The following TEX9 variants were observed in gnomAD, a reference collection of about 807,000 sequenced individuals.
TEX9 encodes the protein testis expressed 9.
Under a neutral mutation model 59.6 loss-of-function variants are expected in TEX9, and 74 were observed. The observed-to-expected ratio is 1.24, with a 90% CI of 1.03 to 1.51. TEX9 has a LOEUF of 1.51. Ranked by LOEUF, TEX9 falls within the 40% of genes most tolerant of loss-of-function variation. The pLI is 0.00. For synonymous variants in TEX9, 186 were observed against 152.2 expected (o/e 1.22, Z -1.64); for missense variants, 522 against 447.8 (o/e 1.17, Z -1.49).
chr15:56,261,044 T>C (rs998042168), intron 1 of TEX9, among the ~76,000 whole-genome samples: 2 of 151,998 alleles, frequency 1.3e-5, no homozygotes, highest in South Asian at 4.1e-4. Context: ...ATTTCTGATT[T>C]ATCTTTTTAG....
chr15:56,429,035 C>T (rs1267694551), intron 12 of TEX9: 11 of 1,049,200 alleles, frequency 1.0e-5, no homozygotes, highest in East Asian at 2.7e-5. Flanking sequence ...AACTGTAAAA[C>T]AAAAGTTATG....
chr15:56,365,829 T>A, intron 2 of TEX9, 159 bp downstream of exon 2: 8 of 1,443,336 alleles, frequency 5.5e-6, no homozygotes, highest in Non-Finnish European at 7.3e-6. Context: ...CCTTTCTTTG[T>A]CTTTGATCTG....
intron 1 of TEX9, among the ~76,000 whole-genome samples, chr15:56,327,920 CGCAACTCTTAG>C (rs1363825258): frequency 1.3e-5 from 2 of 152,016 alleles, no homozygotes; most frequent in Admixed American, 6.6e-5. Flanking sequence ...CCACAAGAAC[CGCAACTCTTAG>C]GCAAGTCGTA....
At chr15:56,256,007 T>C (rs765259098) in intron 1 of TEX9, among the ~76,000 whole-genome samples, 12 of 152,050 alleles carry the variant, frequency 7.9e-5, no homozygotes, top group African/African-American at 2.9e-4. Flanking sequence ...TTTTTTATAC[T>C]GAAATAAAAG....
At chr15:56,449,016 A>C (rs1192428009), downstream of TEX9, among the ~76,000 whole-genome samples, 1 of 152,118 alleles carries the variant, frequency 6.6e-6, no homozygotes, top group African/African-American at 2.4e-5. Flanking sequence ...TGGCCTTGCA[A>C]AGTGCTGGGA....
intron 9 of TEX9, among the ~76,000 whole-genome samples, chr15:56,409,471 T>G (rs1394094119): frequency 6.6e-6 from 1 of 152,132 alleles, no homozygotes; most frequent in Non-Finnish European, 1.5e-5. Flanking sequence ...GTTCTTATTA[T>G]CTGGAATTCT....
Position 56,443,819 on chromosome 15 carries a change from A to G in TEX9, c.*30-1852A>G, listed in dbSNP as rs2050861099. On this transcript the variant is annotated intron_variant, in intron 12 of 12. Coordinates refer to ENST00000352903, the Ensembl canonical transcript of TEX9. ...CTGAAACTCTTCTATATACCTTCGCATTGCATTCATTTTTTCTAACTTTTG... is the reference window on the plus strand; with the variant it reads ...CTGAAACTCTTCTATATACCTTCGCGTTGCATTCATTTTTTCTAACTTTTG... 1.2e-6 allele frequency: 2 copies of G among 1,605,392 alleles called. No homozygotes were observed. Among genetic ancestry groups the G allele is most frequent in the Non-Finnish European group, 1.7e-6 (2 of 1,177,188 alleles).
chr15:56,362,436 T>A (rs2046806742), upstream of TEX9, among the ~76,000 whole-genome samples: 1 of 152,250 alleles, frequency 6.6e-6, no homozygotes. Flanking sequence ...TCTGATGTCA[T>A]CTTTGTTTGA....
chr15:56,449,548 T>C (rs2050933644), downstream of TEX9, among the ~76,000 whole-genome samples: 1 of 152,192 alleles, frequency 6.6e-6, no homozygotes. Context: ...GAGAGATTAG[T>C]CTACAGGTTT....
At chr15:56,410,327 T>C (rs748439868) in intron 9 of TEX9, 14 of 152,244 alleles carry the variant, frequency 9.2e-5, no homozygotes, top group Non-Finnish European at 1.0e-4. Context: ...CTGCTGTGGC[T>C]GATGCATGCC....
intron 1 of TEX9, among the ~76,000 whole-genome samples, chr15:56,260,299 G>A (rs1200126245): frequency 1.3e-5 from 2 of 152,088 alleles, no homozygotes; most frequent in African/African-American, 4.8e-5. Flanking sequence ...ATATATTTGA[G>A]TGGTTTCTGA....
intron 1 of TEX9, among the ~76,000 whole-genome samples, chr15:56,358,438 T>TA (rs1165621274): frequency 6.4e-4 from 93 of 144,710 alleles, no homozygotes; most frequent in African/African-American, 1.4e-3. Flanking sequence ...CCTTTTAACT[T>TA]AAAAAAAAAA....
At chr15:56,428,882 T>C in intron 12 of TEX9, 1 of 494,054 alleles carries the variant, frequency 2.0e-6, no homozygotes, top group South Asian at 2.7e-5. Flanking sequence ...CTCTGTAGTG[T>C]TGTAGAAATC....
intron 1 of TEX9, among the ~76,000 whole-genome samples, chr15:56,334,142 C>T (rs943067688): frequency 6.6e-6 from 1 of 152,070 alleles, no homozygotes; most frequent in Non-Finnish European, 1.5e-5. Flanking sequence ...GGACATTCTT[C>T]ACAGAAACAA....
chr15:56,365,306 G>C (rs2046881579), upstream of TEX9: 6 of 1,131,382 alleles, frequency 5.3e-6, no homozygotes, highest in Non-Finnish European at 7.4e-6. Flanking sequence ...CAAAGGCCGA[G>C]CCCGCTGCCA....
At chr15:56,321,099 G>A (rs2194942) in intron 1 of TEX9, among the ~76,000 whole-genome samples, 140,719 of 152,218 alleles carry the variant, frequency 0.92, 65,860 homozygotes, top group Non-Finnish European at 1. Context: ...TTTCCTACTT[G>A]TGGGAAACTC....
rs563996624 is a variant in TEX9, at chr15:56,261,101, A to G, written c.-107+16823A>G. Reference sequence around the variant, plus strand: ...ATTGCCCTTTGATTCTGATATTAGTAATTTATACTTTTGCTCTTGATTGGT... The same window carrying G: ...ATTGCCCTTTGATTCTGATATTAGTGATTTATACTTTTGCTCTTGATTGGT... On this transcript the variant is annotated intron_variant, in intron 1 of 5. Coordinates refer to the TEX9 transcript ENST00000560827. Among the ~76,000 whole-genome samples the G allele has an allele frequency of 2.6e-5, 4 of 151,980 alleles. No individual in the cohort carries two copies. In the South Asian group the frequency reaches 6.2e-4, roughly 24 times the overall value.
At chr15:56,320,861 T>C (rs1483063691) in intron 1 of TEX9, among the ~76,000 whole-genome samples, 5 of 152,202 alleles carry the variant, frequency 3.3e-5, no homozygotes, top group African/African-American at 1.2e-4. Flanking sequence ...TTTGCCCCTT[T>C]GGACACATAT....
intron 10 of TEX9, among the ~76,000 whole-genome samples, chr15:56,427,395 A>T (rs2050349075): frequency 6.6e-6 from 1 of 152,116 alleles, no homozygotes; most frequent in Non-Finnish European, 1.5e-5. Context: ...GAGTTATTTT[A>T]AAAACATTTT....
Sources: allele counts gnomAD v4.1 joint callset (sites outside exome capture counted in the v4.1 genomes callset), GRCh38; gene constraint gnomAD v4.1.1; transcripts MANE v1.5; gene names NCBI Gene and HGNC (gene_info 2026-07-23, HGNC 2026-07-21).